The following LYPLAL1 variants were observed in gnomAD, a reference collection of about 807,000 sequenced individuals.
LYPLAL1 encodes lysophospholipase like 1.
Under a neutral mutation model 19.7 loss-of-function variants are expected in LYPLAL1, and 23 were observed. That is an observed-to-expected ratio of 1.17 (90% CI 0.84 to 1.65). LYPLAL1 has a LOEUF of 1.65. LYPLAL1 is among the 40% of genes most tolerant of loss of function. LYPLAL1 has a pLI of 0.00. For synonymous variants in LYPLAL1, 119 were observed against 96.3 expected (o/e 1.24, Z -1.38); for missense variants, 355 against 279.4 (o/e 1.27, Z -1.93).
the LYPLAL1 span, among the ~76,000 whole-genome samples, chr1:219,344,632 G>A: frequency 3.6e-4 from 54 of 152,050 alleles, no homozygotes; most frequent in Non-Finnish European, 6.9e-4. Context: ...CACCCTAACC[G>A]CTCCAGCTCT....
the LYPLAL1 span, among the ~76,000 whole-genome samples, chr1:219,305,922 A>G: frequency 6.6e-6 from 1 of 152,176 alleles, no homozygotes; most frequent in Non-Finnish European, 1.5e-5. Context: ...TTATGATTTA[A>G]CCCAGGAATG....
chr1:219,439,563 T>C, the LYPLAL1 span, among the ~76,000 whole-genome samples: 2 of 152,176 alleles, frequency 1.3e-5, no homozygotes, highest in Non-Finnish European at 2.9e-5. Context: ...ACACAGTCCT[T>C]ATCTTTTAAC....
the LYPLAL1 span, among the ~76,000 whole-genome samples, chr1:219,244,440 AC>A: frequency 6.1e-4 from 93 of 152,190 alleles, 1 homozygote; most frequent in Non-Finnish European, 7.8e-4. Context: ...GAGGAGGGAT[AC>A]TGCCTGGTAG....
chr1:219,419,011 T>G, the LYPLAL1 span, among the ~76,000 whole-genome samples: 9 of 152,256 alleles, frequency 5.9e-5, no homozygotes, highest in Non-Finnish European at 8.8e-5. Flanking sequence ...TGAATAATAT[T>G]CCATTGTCTG....
the LYPLAL1 span, among the ~76,000 whole-genome samples, chr1:219,336,642 T>C: frequency 2.6e-5 from 4 of 152,028 alleles, no homozygotes; most frequent in African/African-American, 9.7e-5. Context: ...TTGCCATTTC[T>C]ACTATTATTA....
the LYPLAL1 span, among the ~76,000 whole-genome samples, chr1:219,221,450 T>C: frequency 6.6e-6 from 1 of 152,226 alleles, no homozygotes; most frequent in South Asian, 2.1e-4. Flanking sequence ...TGAGCTTTTT[T>C]GGACCCTTTT....
At chr1:219,350,731 A>C in the LYPLAL1 span, among the ~76,000 whole-genome samples, 1 of 152,208 alleles carries the variant, frequency 6.6e-6, no homozygotes, top group Non-Finnish European at 1.5e-5. Flanking sequence ...ATGCTTTTCT[A>C]AGTAGCATGC....
chr1:219,425,300 A>G, the LYPLAL1 span, among the ~76,000 whole-genome samples: 1 of 152,184 alleles, frequency 6.6e-6, no homozygotes, highest in African/African-American at 2.4e-5. Flanking sequence ...TGGGGGAGAC[A>G]TAAACACTCG....
chr1:219,323,654 T>C, the LYPLAL1 span, among the ~76,000 whole-genome samples: 1 of 152,156 alleles, frequency 6.6e-6, no homozygotes. Context: ...GTGGTTTCCA[T>C]AGAGCTGGCA....
At chr1:219,358,584 AGGGTGGCAGGCGAAAGAGTGAGAGCAAAG>A in the LYPLAL1 span, among the ~76,000 whole-genome samples, 1 of 152,142 alleles carries the variant, frequency 6.6e-6, no homozygotes, top group Non-Finnish European at 1.5e-5. Flanking sequence ...CACATCTTAC[AGGGTGGCAGGCGAAAGAGTGAGAGCAAAG>A]GGGGAAGCAC....
chr1:219,181,500 A>G (rs1656280553), intron 2 of LYPLAL1, among the ~76,000 whole-genome samples: 1 of 152,244 alleles, frequency 6.6e-6, no homozygotes, highest in African/African-American at 2.4e-5. Flanking sequence ...CATTACTTTA[A>G]ATATTAAATT....
the LYPLAL1 span, among the ~76,000 whole-genome samples, chr1:219,307,736 C>T: frequency 1.3e-5 from 2 of 152,128 alleles, no homozygotes; most frequent in Admixed American, 6.5e-5. Flanking sequence ...ATCATGGAGG[C>T]AGTTTTCCCC....
the LYPLAL1 span, among the ~76,000 whole-genome samples, chr1:219,432,630 A>G: frequency 2.6e-5 from 4 of 152,180 alleles, no homozygotes; most frequent in Non-Finnish European, 5.9e-5. Flanking sequence ...TGAAGGGGAA[A>G]TGGAAGGACC....
At chr1:219,303,843 G>A in the LYPLAL1 span, among the ~76,000 whole-genome samples, 5 of 152,072 alleles carry the variant, frequency 3.3e-5, no homozygotes, top group South Asian at 2.1e-4. Flanking sequence ...TGATTGGCTC[G>A]GGTGGCTACT....
the LYPLAL1 span, among the ~76,000 whole-genome samples, chr1:219,398,466 G>C: frequency 6.6e-6 from 1 of 152,114 alleles, no homozygotes; most frequent in Non-Finnish European, 1.5e-5. Flanking sequence ...ATTTTATTGT[G>C]ATTTTTAGCT....
the LYPLAL1 span, among the ~76,000 whole-genome samples, chr1:219,244,021 A>G: frequency 6.6e-6 from 1 of 152,104 alleles, no homozygotes; most frequent in Non-Finnish European, 1.5e-5. Flanking sequence ...GAAATGTACA[A>G]GAGGAAAGCA....
rs1659110679 is a variant in LYPLAL1, at chr1:219,212,394, A to G, written c.*666A>G. On this transcript the variant is annotated 3_prime_UTR_variant, in exon 5 of 5. Transcript: ENST00000366928. ...ATACTAATAGTACTTATCCCATTGG[A>G]TTTTTGTTGAGATTTAAATAAATAG... 2 of 151,986 alleles carry G rather than the reference A, an allele frequency of 1.3e-5. No individual in the cohort carries two copies. The highest frequency in any genetic ancestry group is 2.9e-5 in the Non-Finnish European group (2 of 67,912). The allele number at this position is 151,986 out of a possible 1,614,324, so 9.4% of individuals were successfully genotyped here.
At chr1:219,403,231 A>T in the LYPLAL1 span, among the ~76,000 whole-genome samples, 1 of 152,312 alleles carries the variant, frequency 6.6e-6, no homozygotes, top group South Asian at 2.1e-4. Flanking sequence ...TACAATGAAG[A>T]GAAGTAGTCC....
chr1:219,250,981 T>C, the LYPLAL1 span, among the ~76,000 whole-genome samples: 1 of 152,252 alleles, frequency 6.6e-6, no homozygotes, highest in African/African-American at 2.4e-5. Flanking sequence ...TTTTTTGGCT[T>C]TCCAATAATA....
Sources: gnomAD v4.1 joint callset for allele counts (sites outside exome capture counted in the v4.1 genomes callset) on GRCh38, gnomAD v4.1.1 for gene constraint, MANE v1.5 for transcripts, NCBI Gene and HGNC (gene_info 2026-07-23, HGNC 2026-07-21) for gene names.